The following PCDH11Y variants were observed in gnomAD, a reference collection of about 807,000 sequenced individuals.
PCDH11Y encodes the protein protocadherin-11 Y-linked.
For missense variants in PCDH11Y, 12 were observed against 224.8 expected (o/e 0.05, Z 6.05); for synonymous variants, 9 against 83.6 (o/e 0.11, Z 4.87).
At chrY:5,507,216 A>G in intron 3 of PCDH11Y, among the ~76,000 whole-genome samples, 1 of 33,347 alleles carries the variant, frequency 3.0e-5, no homozygotes, top group Non-Finnish European at 7.5e-5. Context: ...TCTGTGATGT[A>G]TATTAATTTT....
chrY:5,111,406 A>C, intron 2 of PCDH11Y, among the ~76,000 whole-genome samples: 3 of 33,942 alleles, frequency 8.8e-5, no homozygotes, highest in South Asian at 1.3e-3. Context: ...CCAAATAATT[A>C]GTTTTTTTAC....
rs1602931576 is a variant in PCDH11Y at position 5,479,802 on chromosome Y, G to A, written c.3130-21255G>A. ...AGTTGATCTTTAATCTCAGATATCC[G>A]TTCTTCCACTTTATCGCTTGGCTAT... is the stretch of plus-strand genomic sequence containing the variant. On this transcript the variant is annotated intron_variant, in intron 2 of 4. Transcript: ENST00000400457. Among the ~76,000 whole-genome samples, 10 of 33,163 alleles carry A rather than the reference G, an allele frequency of 3.0e-4. No individual in the cohort carries two copies. In the South Asian group the frequency reaches 6.0e-3, roughly 20 times the overall value. 89.0% of individuals were successfully genotyped at this position (33,163 alleles called of 37,273 possible).
intron 2 of PCDH11Y, among the ~76,000 whole-genome samples, chrY:5,281,684 C>T: frequency 3.6e-5 from 1 of 27,969 alleles, no homozygotes; most frequent in African/African-American, 1.4e-4. Context: ...ACGTAATAGC[C>T]TATTATGCAA....
At chrY:5,195,059 G>A in intron 2 of PCDH11Y, among the ~76,000 whole-genome samples, 6 of 33,133 alleles carry the variant, frequency 1.8e-4, no homozygotes, top group Admixed American at 1.1e-3. Flanking sequence ...AATGCTGATT[G>A]GTGTGTTTAC....
At chrY:5,564,532 A>T in intron 3 of PCDH11Y, among the ~76,000 whole-genome samples, 2 of 31,283 alleles carry the variant, frequency 6.4e-5, no homozygotes, top group East Asian at 8.5e-4. Context: ...GCTATATCAG[A>T]GTAGGACATC....
intron 2 of PCDH11Y, among the ~76,000 whole-genome samples, chrY:5,214,105 G>C: frequency 6.1e-5 from 2 of 32,673 alleles, no homozygotes; most frequent in East Asian, 1.6e-3. Flanking sequence ...GGGCAACAGA[G>C]CGAGACTCTA....
intron 1 of PCDH11Y, among the ~76,000 whole-genome samples, chrY:5,058,671 A>C (rs2052668720): frequency 1.3e-3 from 43 of 32,891 alleles, no homozygotes; most frequent in South Asian, 8.8e-3. Context: ...AATTTCGGTG[A>C]AATGCAGATA....
downstream of PCDH11Y, among the ~76,000 whole-genome samples, chrY:5,108,475 T>C (rs66877151): frequency 0.026 from 838 of 32,724 alleles, no homozygotes; most frequent in South Asian, 0.23. Flanking sequence ...TGGCCGGGCG[T>C]GGTGGCTTAT....
chrY:5,054,487 T>C, upstream of PCDH11Y, among the ~76,000 whole-genome samples: 1 of 21,039 alleles, frequency 4.8e-5, no homozygotes, highest in African/African-American at 1.9e-4. Flanking sequence ...TGTCCATGAG[T>C]TCTCATCATT....
intron 3 of PCDH11Y, among the ~76,000 whole-genome samples, chrY:5,570,612 A>C: frequency 3.1e-5 from 1 of 32,726 alleles, no homozygotes; most frequent in Non-Finnish European, 7.6e-5. Context: ...TATAATGGAA[A>C]ATAAATTTTC....
intron 2 of PCDH11Y, among the ~76,000 whole-genome samples, chrY:5,113,101 A>C (rs2052804026): frequency 2.3e-4 from 8 of 34,714 alleles, no homozygotes; most frequent in African/African-American, 8.9e-4. Flanking sequence ...TCTGCATTGC[A>C]ATAACACATC....
intron 3 of PCDH11Y, among the ~76,000 whole-genome samples, chrY:5,565,238 A>G: frequency 3.0e-5 from 1 of 33,877 alleles, no homozygotes; most frequent in East Asian, 7.8e-4. Flanking sequence ...ACTACTTAAC[A>G]GTATTCGATG....
intron 3 of PCDH11Y, among the ~76,000 whole-genome samples, chrY:5,551,493 GT>G: frequency 3.0e-5 from 1 of 32,936 alleles, no homozygotes; most frequent in African/African-American, 1.2e-4. Flanking sequence ...TGATTATTTT[GT>G]TGAATTTAAT....
At chrY:5,245,799 T>G in intron 2 of PCDH11Y, among the ~76,000 whole-genome samples, 1 of 32,823 alleles carries the variant, frequency 3.0e-5, no homozygotes. Context: ...AAGGAGCATT[T>G]TCTATCCCAG....
chrY:5,707,701 G>A (rs2053583946), intron 4 of PCDH11Y, among the ~76,000 whole-genome samples: 24 of 31,376 alleles, frequency 7.6e-4, no homozygotes, highest in African/African-American at 2.8e-3. Flanking sequence ...AATAAAACAC[G>A]CCTACAGGAT....
intron 2 of PCDH11Y, among the ~76,000 whole-genome samples, chrY:5,400,270 C>T (rs34978302): frequency 8.7e-5 from 3 of 34,510 alleles, no homozygotes; most frequent in Non-Finnish European, 2.2e-4. Context: ...CACCTTTAAG[C>T]GGTTTTCCGC....
intron 1 of PCDH11Y, among the ~76,000 whole-genome samples, chrY:5,064,721 C>T (rs2052683542): frequency 2.9e-3 from 62 of 21,202 alleles, no homozygotes; most frequent in Admixed American, 3.9e-3. Flanking sequence ...CTTTCTTTTT[C>T]TTTGTGAGAC....
intron 2 of PCDH11Y, among the ~76,000 whole-genome samples, chrY:5,367,806 TAC>T (rs1206983748): frequency 2.9e-3 from 77 of 26,443 alleles, no homozygotes; most frequent in South Asian, 3.6e-3. Flanking sequence ...TGCATGCACA[TAC>T]ACACACACAC....
At chrY:5,378,872 A>C in intron 2 of PCDH11Y, among the ~76,000 whole-genome samples, 1 of 32,802 alleles carries the variant, frequency 3.0e-5, no homozygotes, top group South Asian at 6.8e-4. Flanking sequence ...AGGAGGATAA[A>C]AGCACCATTA....
Sources: gnomAD v4.1 joint callset for allele counts (sites outside exome capture counted in the v4.1 genomes callset) on GRCh38, gnomAD v4.1.1 for gene constraint, MANE v1.5 for transcripts, NCBI Gene and HGNC (gene_info 2026-07-23, HGNC 2026-07-21) for gene names.